DLG1: variants seen among roughly 807,000 people sequenced by gnomAD.
DLG1 encodes discs large MAGUK scaffold protein 1.
DLG1 carries 42 observed loss-of-function variants against 123.4 expected under a neutral mutation model. That is an observed-to-expected ratio of 0.34 (90% CI 0.27 to 0.44). The LOEUF is 0.44. Among genes scored for constraint, DLG1 ranks in the 20% least tolerant of loss-of-function variants. The pLI is 1.00. For synonymous variants in DLG1, 317 were observed against 356.2 expected, an observed-to-expected ratio of 0.89 and a Z score of 1.24; for missense variants, 942 against 1,082.6, an observed-to-expected ratio of 0.87 and a Z score of 1.82.
At chr3:197,102,971 AAACCC>A (rs1248001851) in intron 14 of DLG1, among the ~76,000 whole-genome samples, 1 of 152,246 alleles carries the variant, frequency 6.6e-6, no homozygotes, top group East Asian at 1.9e-4. Context: ...ACAGGTTTTA[AAACCC>A]AAATACTGTC....
chr3:197,184,056 A>G, intron 5 of DLG1: 3 of 1,273,266 alleles, frequency 2.4e-6, no homozygotes, highest in South Asian at 2.3e-5. Flanking sequence ...AAGACGACAT[A>G]AGGTGGATTT....
intron 4 of DLG1, among the ~76,000 whole-genome samples, chr3:197,220,072 A>T (rs577524360): frequency 1.3e-5 from 2 of 152,362 alleles, no homozygotes; most frequent in South Asian, 4.1e-4. Context: ...TAAATTAATA[A>T]GAGAAAAGTT....
chr3:197,173,200 C>T (rs572791197), intron 5 of DLG1, among the ~76,000 whole-genome samples: 2 of 152,250 alleles, frequency 1.3e-5, no homozygotes, highest in East Asian at 3.9e-4. Context: ...ATGGTTGCTT[C>T]TCCGTATCTC....
At chr3:197,120,556 G>A (rs1775778404) in intron 11 of DLG1, among the ~76,000 whole-genome samples, 1 of 152,148 alleles carries the variant, frequency 6.6e-6, no homozygotes, top group Non-Finnish European at 1.5e-5. Context: ...AAAAGTAGCT[G>A]TATTATTTAA....
At chr3:197,212,646 C>T (rs1731868750) in intron 4 of DLG1, among the ~76,000 whole-genome samples, 1 of 152,224 alleles carries the variant, frequency 6.6e-6, no homozygotes, top group South Asian at 2.1e-4. Flanking sequence ...CCAAATTCTT[C>T]CTTTTTATAA....
At chr3:197,152,671 G>C (rs1044868876) in intron 5 of DLG1, among the ~76,000 whole-genome samples, 2 of 148,600 alleles carry the variant, frequency 1.3e-5, no homozygotes, top group South Asian at 2.1e-4. Flanking sequence ...GCTGAGGCAG[G>C]AGAATGGTGT....
At chr3:197,109,729 G>C (rs1768730242) in intron 13 of DLG1, among the ~76,000 whole-genome samples, 1 of 152,138 alleles carries the variant, frequency 6.6e-6, no homozygotes, top group African/African-American at 2.4e-5. Context: ...GCAATGTCCT[G>C]ATTTCTTCTT....
intron 5 of DLG1, among the ~76,000 whole-genome samples, chr3:197,155,636 A>C (rs550857286): frequency 6.6e-5 from 10 of 152,022 alleles, no homozygotes; most frequent in African/African-American, 2.2e-4. Context: ...AAAAAAAAAA[A>C]AACTTAGCCT....
chr3:197,153,497 C>T (rs1216477898), intron 5 of DLG1, among the ~76,000 whole-genome samples: 1 of 152,152 alleles, frequency 6.6e-6, no homozygotes, highest in Non-Finnish European at 1.5e-5. Flanking sequence ...TTACATTCTC[C>T]AAATACTGGA....
At chr3:197,192,509 TAGA>T (rs1048644259) in intron 5 of DLG1, among the ~76,000 whole-genome samples, 7 of 151,874 alleles carry the variant, frequency 4.6e-5, no homozygotes, top group East Asian at 3.9e-4. Flanking sequence ...GAAGAAAAGA[TAGA>T]AGAACTGTTT....
intron 4 of DLG1, among the ~76,000 whole-genome samples, chr3:197,253,423 C>T (rs142724588): frequency 1.3e-5 from 2 of 152,236 alleles, no homozygotes; most frequent in African/African-American, 4.8e-5. Flanking sequence ...TGTGGAAAAA[C>T]TCGATCATTC....
intron 5 of DLG1, among the ~76,000 whole-genome samples, chr3:197,164,031 T>C (rs936999725): frequency 2.0e-5 from 3 of 152,142 alleles, no homozygotes; most frequent in African/African-American, 7.2e-5. Context: ...CACACTGCTG[T>C]TGGATATACA....
intron 19 of DLG1, among the ~76,000 whole-genome samples, chr3:197,068,220 A>G (rs1203139580): frequency 6.6e-6 from 1 of 152,206 alleles, no homozygotes; most frequent in Non-Finnish European, 1.5e-5. Flanking sequence ...ACTAGCAAAC[A>G]CATGCAATTT....
chr3:197,197,284 A>T lies in DLG1; in HGVS notation c.319-2695T>A, dbSNP rs1330246754. Among the ~76,000 whole-genome samples the T allele has an allele frequency of 3.3e-5, 5 of 152,262 alleles. No individual in the cohort carries two copies. In the East Asian group the frequency reaches 5.8e-4, roughly 18 times the overall value. Reference sequence around the variant, plus strand: ...ACAGGTGGTGGTGTGTTATTTTATCAGAAAGCATATAATACCTGTCTCTCT... The same window carrying T: ...ACAGGTGGTGGTGTGTTATTTTATCTGAAAGCATATAATACCTGTCTCTCT... On this transcript the variant is annotated intron_variant, in intron 4 of 24. Transcript: ENST00000667157.
Position 197,085,640 on chromosome 3 carries a change from G to A in DLG1, c.1778C>T (p.Ala593Val), listed in dbSNP as rs1258478182. 1 of 1,613,802 alleles carries A rather than the reference G, an allele frequency of 6.2e-7. No homozygotes were observed. Among genetic ancestry groups the A allele is most frequent in the South Asian group, 1.1e-5 (1 of 91,058 alleles). Residue 593 changes from alanine (A) to valine (V), a missense_variant, in exon 16 of 25, where the codon GCC (alanine) becomes GTC (valine). By Grantham distance (64) the Ala-to-Val change is moderately conservative. Coordinates refer to ENST00000667157, the MANE Select transcript of DLG1 (RefSeq NM_001366207.1). ...CTCACCATCTGGTGTAACCTGCCTG[G>A]CTTGCCACCATTCATCATCAGAAGC... Reference protein sequence around the residue: ...INASDDEWWQARQVTPDGESD... With the variant: ...INASDDEWWQVRQVTPDGESD...
At chr3:197,059,108 G>A (rs1288022512) in intron 23 of DLG1, among the ~76,000 whole-genome samples, 1 of 152,142 alleles carries the variant, frequency 6.6e-6, no homozygotes, top group Non-Finnish European at 1.5e-5. Context: ...TGTATTTTTA[G>A]TAGAGACGGG....
chr3:197,075,820 G>A, intron 18 of DLG1: 1 of 1,609,614 alleles, frequency 6.2e-7, no homozygotes, highest in Non-Finnish European at 8.5e-7. Flanking sequence ...TAACTTGGGA[G>A]TATTTTGATC....
Position 197,282,816 on chromosome 3 carries a change from G to T in DLG1, c.181C>A (p.Leu61Met), listed in dbSNP as rs1377002963. The T allele has an allele frequency of 1.3e-6, 2 of 1,588,408 alleles. No homozygotes were observed. Among genetic ancestry groups the T allele is most frequent in the Non-Finnish European group, 8.6e-7 (1 of 1,167,414 alleles). Residue 61 changes from leucine (L) to methionine (M), a missense_variant, in exon 4 of 25, where the codon CTG (leucine) becomes ATG (methionine). Leu to Met is a conservative substitution (Grantham distance 15). Transcript: ENST00000667157. ...DIQEFYEVTLLDNPKCIDRSK... is the reference protein window; with the variant it reads ...DIQEFYEVTLMDNPKCIDRSK... ...CGATCTATACATTTTGGATTATCCA[G>T]TAAGGTCACTTCATAAAATTCTTGA...
At chr3:197,103,885 C>G (rs928872089) in intron 14 of DLG1, among the ~76,000 whole-genome samples, 1 of 151,888 alleles carries the variant, frequency 6.6e-6, no homozygotes, top group Non-Finnish European at 1.5e-5. Context: ...GCTATGTATT[C>G]TTTTGGGTAT....
Sources: gnomAD v4.1 joint callset for allele counts (sites outside exome capture counted in the v4.1 genomes callset) on GRCh38, gnomAD v4.1.1 for gene constraint, MANE v1.5 for transcripts, NCBI Gene and HGNC (gene_info 2026-07-23, HGNC 2026-07-21) for gene names.